Variants in MYO1B observed in about 807,000 individuals in gnomAD.
MYO1B encodes unconventional myosin-Ib.
Under a neutral mutation model 159.7 loss-of-function variants are expected in MYO1B, and 72 were observed. The ratio of observed to expected loss-of-function variants is 0.45; its 90% CI spans 0.37 to 0.55. The LOEUF (loss-of-function observed/expected upper bound fraction) is 0.55, where lower values mean the gene tolerates loss of function less well. Among genes scored for constraint, MYO1B ranks in the 20% least tolerant of loss-of-function variants. The pLI is 0.00. For synonymous variants in MYO1B, 468 were observed against 473.8 expected (o/e 0.99, Z 0.16); for missense variants, 1,062 against 1,364.8 (o/e 0.78, Z 3.50).
intron 5 of MYO1B, 148 bp downstream of exon 5, chr2:191,341,713 C>T (rs759404541): frequency 3.3e-5 from 19 of 576,534 alleles, no homozygotes; most frequent in Non-Finnish European, 4.9e-5. Context: ...GCAAATAAGC[C>T]GTGTTCTAGA....
chr2:191,278,756 G>T (rs1027347142), intron 2 of MYO1B, among the ~76,000 whole-genome samples: 1 of 152,248 alleles, frequency 6.6e-6, no homozygotes, highest in African/African-American at 2.4e-5. Context: ...AAGCGTAGCA[G>T]TTCTGCTTTC....
intron 20 of MYO1B, among the ~76,000 whole-genome samples, chr2:191,395,834 C>T (rs1696039623): frequency 6.6e-6 from 1 of 152,252 alleles, no homozygotes. Flanking sequence ...TTCACTTCAA[C>T]TCCTTGAGGG....
chr2:191,336,611 C>A (rs1158129622), intron 4 of MYO1B, among the ~76,000 whole-genome samples: 5 of 152,128 alleles, frequency 3.3e-5, no homozygotes, highest in Admixed American at 2.6e-4. Context: ...CATTGCAGGG[C>A]CCATGCATTT....
At chr2:191,289,477 G>A (rs1688573268) in intron 2 of MYO1B, among the ~76,000 whole-genome samples, 1 of 152,160 alleles carries the variant, frequency 6.6e-6, no homozygotes, top group Admixed American at 6.5e-5. Flanking sequence ...GTAGAAAGGT[G>A]TGTATGTGTA....
chr2:191,374,644 C>G (rs2126051432), intron 13 of MYO1B, among the ~76,000 whole-genome samples: 1 of 152,220 alleles, frequency 6.6e-6, no homozygotes, highest in East Asian at 1.9e-4. Flanking sequence ...CCTGGCTGGC[C>G]ACATGTGATC....
chr2:191,344,771 A>C (rs1177375674), intron 5 of MYO1B, among the ~76,000 whole-genome samples: 6 of 138,406 alleles, frequency 4.3e-5, no homozygotes, highest in African/African-American at 1.4e-4. Context: ...CGGAGCTTGC[A>C]GTGAGCCGAG....
intron 3 of MYO1B, among the ~76,000 whole-genome samples, chr2:191,319,316 C>T (rs988119338): frequency 1.3e-5 from 2 of 152,122 alleles, no homozygotes; most frequent in Non-Finnish European, 1.5e-5. Context: ...AAGACACACT[C>T]ACATAAGCCC....
At chr2:191,330,182 T>C (rs758737476) in intron 4 of MYO1B, among the ~76,000 whole-genome samples, 153 bp downstream of exon 4, 3 of 152,084 alleles carry the variant, frequency 2.0e-5, no homozygotes, top group Non-Finnish European at 4.4e-5. Context: ...CACAGAATGT[T>C]CTCTGGACTC....
intron 11 of MYO1B, among the ~76,000 whole-genome samples, chr2:191,366,874 T>A (rs1255760198): frequency 6.6e-6 from 1 of 151,770 alleles, no homozygotes; most frequent in Non-Finnish European, 1.5e-5. Context: ...AACCTGTTTT[T>A]TTTGCAGTTT....
chr2:191,346,324 G>A, intron 6 of MYO1B, 42 bp downstream of exon 6: 1 of 1,363,882 alleles, frequency 7.3e-7, no homozygotes, highest in South Asian at 1.5e-5. Context: ...CTAATATTTA[G>A]CTCATGTATG....
chr2:191,248,623 C>CT (rs568644900), intron 1 of MYO1B, among the ~76,000 whole-genome samples: 49 of 152,286 alleles, frequency 3.2e-4, no homozygotes, highest in African/African-American at 1.1e-3. Context: ...ATTCAAAATT[C>CT]TAAGTATGAT....
intron 13 of MYO1B, among the ~76,000 whole-genome samples, chr2:191,372,923 T>G (rs1694461095): frequency 7.4e-6 from 1 of 135,552 alleles, no homozygotes; most frequent in Admixed American, 8.5e-5. Flanking sequence ...AGTCTCACTG[T>G]GTCTCCAGGC....
At chr2:191,371,982 A>G (rs896660279) in intron 13 of MYO1B, among the ~76,000 whole-genome samples, 3 of 152,244 alleles carry the variant, frequency 2.0e-5, no homozygotes, top group Admixed American at 6.5e-5. Context: ...GCTTGAGTAC[A>G]CACAGAAATC....
chr2:191,391,043 C>T (rs1480027100), intron 18 of MYO1B, among the ~76,000 whole-genome samples: 10 of 152,258 alleles, frequency 6.6e-5, no homozygotes, highest in Non-Finnish European at 1.2e-4. Context: ...CATCCAGTCC[C>T]AGACAGAGTG....
At position 191,304,587 on chromosome 2, in the gene MYO1B, A is replaced by C. The variant is rs1254201572; in HGVS notation, c.251+8361A>C. On this transcript the variant is annotated intron_variant, in intron 3 of 30. Coordinates refer to ENST00000392318, the MANE Select transcript of MYO1B (RefSeq NM_001130158.3). Reference sequence around the variant, plus strand: ...CCCCATCTCAAAAAACAACAACAGCAACAACAACAACCCAGTTTCTTTCAG... The same window carrying C: ...CCCCATCTCAAAAAACAACAACAGCCACAACAACAACCCAGTTTCTTTCAG... 6.6e-5 allele frequency among the ~76,000 whole-genome samples: 10 copies of C among 151,884 alleles called. 1 individual carries two copies. In the South Asian group the frequency reaches 1.9e-3, roughly 28 times the overall value.
intron 3 of MYO1B, among the ~76,000 whole-genome samples, chr2:191,314,087 A>G (rs914184546): frequency 1.3e-5 from 2 of 152,242 alleles, no homozygotes; most frequent in Admixed American, 1.3e-4. Flanking sequence ...GTGAATTTAA[A>G]CATGAGTTCA....
intron 6 of MYO1B, among the ~76,000 whole-genome samples, chr2:191,346,887 C>A (rs1298670026): frequency 6.6e-6 from 1 of 152,206 alleles, no homozygotes; most frequent in Non-Finnish European, 1.5e-5. Context: ...ACTCCCTGGC[C>A]TGTGCCTTGC....
At chr2:191,386,518 A>AAAG (rs3086350) in intron 16 of MYO1B, among the ~76,000 whole-genome samples, 126,671 of 151,882 alleles carry the variant, frequency 0.83, 55,788 homozygotes, top group Non-Finnish European at 0.98. Context: ...CTTTTTTAAA[A>AAAG]CACTTATTTA....
chr2:191,396,231 G>A (rs73984130), intron 20 of MYO1B, among the ~76,000 whole-genome samples, 198 bp from the exon 21 acceptor site: 2,393 of 152,242 alleles, frequency 0.016, 61 homozygotes, highest in African/African-American at 0.054. Context: ...ATTTTATTTA[G>A]CATCCTTAAA....
Sources: allele counts gnomAD v4.1 joint callset (sites outside exome capture counted in the v4.1 genomes callset), GRCh38; gene constraint gnomAD v4.1.1; transcripts MANE v1.5; gene names NCBI Gene and HGNC (gene_info 2026-07-23, HGNC 2026-07-21).